THSD4: variants seen among roughly 807,000 people sequenced by gnomAD.
THSD4 encodes thrombospondin type-1 domain-containing protein 4.
THSD4 carries 69 observed loss-of-function variants against 119.0 expected under a neutral mutation model. The observed-to-expected ratio is 0.58, with a 90% CI of 0.48 to 0.71. The LOEUF (loss-of-function observed/expected upper bound fraction) is 0.71, where lower values mean the gene tolerates loss of function less well. Ranked by LOEUF, THSD4 falls within the 30% of genes least tolerant of loss-of-function variation. THSD4 has a pLI of 0.00. For synonymous variants in THSD4, 524 were observed against 540.4 expected (o/e 0.97, Z 0.42); for missense variants, 1,393 against 1,391.1 (o/e 1.00, Z -0.02).
intron 15 of THSD4, among the ~76,000 whole-genome samples, 174 bp from the exon 16 acceptor site, chr15:71,764,846 A>G (rs1252665408): frequency 6.6e-6 from 1 of 152,236 alleles, no homozygotes; most frequent in Non-Finnish European, 1.5e-5. Context: ...CTGTTAGGAA[A>G]CTGCATTCCA....
chr15:71,670,683 C>T (rs1293315928), intron 8 of THSD4, among the ~76,000 whole-genome samples: 1 of 151,410 alleles, frequency 6.6e-6, no homozygotes, highest in Non-Finnish European at 1.5e-5. Flanking sequence ...GTGTGATGTT[C>T]CCCATCCTGT....
At chr15:71,736,958 A>T (rs907117194) in intron 10 of THSD4, among the ~76,000 whole-genome samples, 3 of 152,198 alleles carry the variant, frequency 2.0e-5, no homozygotes, top group Admixed American at 2.0e-4. Flanking sequence ...ACCTGTGTGT[A>T]TGTGTGTGTG....
At chr15:71,468,051 G>A (rs2047524735) in intron 7 of THSD4, among the ~76,000 whole-genome samples, 1 of 152,078 alleles carries the variant, frequency 6.6e-6, no homozygotes. Context: ...GTTTCATCAT[G>A]TTGGCCAGGC....
chr15:71,438,162 C>G (rs974971530), intron 7 of THSD4, among the ~76,000 whole-genome samples: 1 of 152,216 alleles, frequency 6.6e-6, no homozygotes, highest in Non-Finnish European at 1.5e-5. Flanking sequence ...CCAGGAACCA[C>G]TTACATTCCT....
intron 7 of THSD4, among the ~76,000 whole-genome samples, chr15:71,425,453 A>G (rs1173162148): frequency 6.6e-6 from 1 of 152,182 alleles, no homozygotes; most frequent in Non-Finnish European, 1.5e-5. Flanking sequence ...CAAAACACAA[A>G]TCAGGATGAA....
At chr15:71,576,340 G>C (rs1480836120) in intron 7 of THSD4, among the ~76,000 whole-genome samples, 1 of 152,106 alleles carries the variant, frequency 6.6e-6, no homozygotes, top group Non-Finnish European at 1.5e-5. Context: ...AACCATGTTT[G>C]TTTGTTTGTT....
chr15:71,147,111 TC>T (rs1234938225), intron 2 of THSD4, among the ~76,000 whole-genome samples: 1 of 152,240 alleles, frequency 6.6e-6, no homozygotes, highest in African/African-American at 2.4e-5. Context: ...GTCTTCCTTT[TC>T]CCAGCTCTTT....
At chr15:71,749,438 C>A (rs1252110060) in intron 14 of THSD4, among the ~76,000 whole-genome samples, 1 of 152,178 alleles carries the variant, frequency 6.6e-6, no homozygotes, top group East Asian at 1.9e-4. Flanking sequence ...GTGAGAGGCA[C>A]CAAGTCCAGA....
chr15:71,503,794 C>A (rs2048149549), intron 7 of THSD4, among the ~76,000 whole-genome samples: 1 of 152,124 alleles, frequency 6.6e-6, no homozygotes, highest in Non-Finnish European at 1.5e-5. Flanking sequence ...GCTCTAGGGC[C>A]AATATGCATT....
rs11633182 is a variant in THSD4, at chr15:71,430,780, A to G, written c.1152+18957A>G. On this transcript the variant is annotated intron_variant, in intron 7 of 17. Coordinates refer to ENST00000261862, the MANE Select transcript of THSD4 (RefSeq NM_024817.3). ...TCAAGAAAAAAAAAAAAAAAAAAAA[A>G]AAAGAGAGTTACATTCTTTACCTAC... 3.4e-4 allele frequency among the ~76,000 whole-genome samples: 46 copies of G among 134,478 alleles called. 1 individual carries two copies. The highest frequency in any genetic ancestry group is 8.9e-4 in the East Asian group (4 of 4,488). 88.2% of individuals were successfully genotyped at this position (134,478 alleles called of 152,430 possible).
intron 7 of THSD4, among the ~76,000 whole-genome samples, chr15:71,453,886 G>C (rs935647663): frequency 3.3e-5 from 5 of 152,222 alleles, no homozygotes; most frequent in African/African-American, 1.2e-4. Context: ...CATTGCAAAT[G>C]AACCTGGTTT....
At chr15:71,646,212 C>T (rs900876592) in intron 7 of THSD4, among the ~76,000 whole-genome samples, 1 of 152,078 alleles carries the variant, frequency 6.6e-6, no homozygotes, top group African/African-American at 2.4e-5. Flanking sequence ...CAACAAATAC[C>T]AGTTTCTTTT....
intron 6 of THSD4, among the ~76,000 whole-genome samples, chr15:71,260,710 G>T (rs1029681716): frequency 2.6e-5 from 4 of 152,118 alleles, no homozygotes; most frequent in African/African-American, 9.7e-5. Context: ...TCGGGCAGGC[G>T]AGAAGGCTTA....
intron 7 of THSD4, among the ~76,000 whole-genome samples, chr15:71,490,966 A>G (rs927883464): frequency 1.3e-5 from 2 of 152,212 alleles, no homozygotes; most frequent in Non-Finnish European, 2.9e-5. Context: ...CCCTTAATAG[A>G]AAGGGTTTCC....
At chr15:71,467,066 C>A (rs527341970) in intron 7 of THSD4, among the ~76,000 whole-genome samples, 2 of 152,334 alleles carry the variant, frequency 1.3e-5, no homozygotes, top group African/African-American at 4.8e-5. Context: ...AACCATTTCC[C>A]GTGGCTTCCA....
chr15:71,198,747 T>C (rs1381043942), intron 3 of THSD4, among the ~76,000 whole-genome samples: 1 of 152,208 alleles, frequency 6.6e-6, no homozygotes, highest in Non-Finnish European at 1.5e-5. Flanking sequence ...TAGGTAGAGT[T>C]AAGTCTTGTA....
chr15:71,571,769 C>T (rs548428437), intron 7 of THSD4, among the ~76,000 whole-genome samples: 7 of 152,270 alleles, frequency 4.6e-5, no homozygotes, highest in East Asian at 1.9e-4. Flanking sequence ...TATTCCCCCA[C>T]GCTGATCTTT....
At chr15:71,648,762 GA>G (rs2051022814) in intron 7 of THSD4, among the ~76,000 whole-genome samples, 1 of 152,146 alleles carries the variant, frequency 6.6e-6, no homozygotes. Context: ...TAGCTTGTGT[GA>G]AAAAGGGGAT....
chr15:71,181,876 T>C (rs652937), intron 3 of THSD4, among the ~76,000 whole-genome samples: 83,288 of 152,002 alleles, frequency 0.55, 25,162 homozygotes, highest in Middle Eastern at 0.7. Flanking sequence ...CATCTCTAGA[T>C]TGTGAAAGGA....
Sources: gnomAD v4.1 joint callset for allele counts (sites outside exome capture counted in the v4.1 genomes callset) on GRCh38, gnomAD v4.1.1 for gene constraint, MANE v1.5 for transcripts, NCBI Gene and HGNC (gene_info 2026-07-23, HGNC 2026-07-21) for gene names.